Variants in WWOX observed in about 807,000 individuals in gnomAD.
WWOX encodes the protein WW domain containing oxidoreductase.
Under a neutral mutation model 46.2 loss-of-function variants are expected in WWOX, and 69 were observed. The ratio of observed to expected loss-of-function variants is 1.49; its 90% CI spans 1.23 to 1.82. WWOX has a LOEUF of 1.82. Ranked by LOEUF, WWOX falls within the 40% of genes most tolerant of loss-of-function variation. WWOX has a pLI of 0.00. For synonymous variants in WWOX, 359 were observed against 202.6 expected (o/e 1.77, Z -6.56); for missense variants, 919 against 542.6 (o/e 1.69, Z -6.89).
intron 8 of WWOX, among the ~76,000 whole-genome samples, chr16:79,152,216 C>T (rs550710007): frequency 1.3e-4 from 20 of 152,178 alleles, no homozygotes; most frequent in South Asian, 4.1e-4. Context: ...GAGCGGGATT[C>T]GCTGACCCAT....
chr16:78,172,573 T>C (rs939700958), intron 5 of WWOX, among the ~76,000 whole-genome samples: 1 of 152,002 alleles, frequency 6.6e-6, no homozygotes, highest in South Asian at 2.1e-4. Context: ...TCTTTGATCA[T>C]TGTCTTTGTG....
intron 8 of WWOX, among the ~76,000 whole-genome samples, chr16:78,577,250 G>GA (rs1020830610): frequency 6.6e-6 from 1 of 152,308 alleles, no homozygotes; most frequent in South Asian, 2.1e-4. Context: ...TGAGAGGATG[G>GA]AAAATGAATA....
intron 8 of WWOX, among the ~76,000 whole-genome samples, chr16:78,608,441 A>G (rs1326204620): frequency 2.0e-5 from 3 of 152,226 alleles, no homozygotes; most frequent in Non-Finnish European, 4.4e-5. Flanking sequence ...TGCCCCAGGC[A>G]GAGTGGAAGT....
intron 8 of WWOX, among the ~76,000 whole-genome samples, chr16:79,144,449 A>T (rs2150721331): frequency 1.3e-5 from 2 of 152,342 alleles, no homozygotes; most frequent in South Asian, 4.1e-4. Flanking sequence ...GAACATTCTG[A>T]AGATGAAATG....
At chr16:78,967,458 G>GTTTTTTTTTTTTTT (rs1171337117) in intron 8 of WWOX, among the ~76,000 whole-genome samples, 1 of 91,444 alleles carries the variant, frequency 1.1e-5, no homozygotes. Context: ...TAATTTTTGT[G>GTTTTTTTTTTTTTT]GTTTTTTTTT....
intron 5 of WWOX, among the ~76,000 whole-genome samples, chr16:78,188,759 A>T (rs892310231): frequency 6.6e-6 from 1 of 152,136 alleles, no homozygotes; most frequent in Admixed American, 6.5e-5. Flanking sequence ...AAGATCCTTC[A>T]TGGCTACTGG....
intron 6 of WWOX, 151 bp downstream of exon 6, chr16:78,387,099 G>T (rs1004379651): frequency 1.3e-6 from 1 of 748,964 alleles, no homozygotes; most frequent in Non-Finnish European, 2.3e-6. Flanking sequence ...AAGGTGAACC[G>T]TATTTTCTTG....
At chr16:78,423,715 G>A (rs2083006653) in intron 6 of WWOX, among the ~76,000 whole-genome samples, 1 of 152,102 alleles carries the variant, frequency 6.6e-6, no homozygotes, top group East Asian at 1.9e-4. Context: ...GCATGGTGGT[G>A]TGCCCCTGTA....
At chr16:78,440,321 TCTTTC>T (rs1374931735) in intron 8 of WWOX, among the ~76,000 whole-genome samples, 3 of 152,186 alleles carry the variant, frequency 2.0e-5, no homozygotes, top group African/African-American at 7.2e-5. Context: ...CCATGCTCTT[TCTTTC>T]CTTAGGGTTT....
intron 8 of WWOX, among the ~76,000 whole-genome samples, chr16:78,565,395 GCCT>G (rs750363480): frequency 3.9e-5 from 6 of 152,064 alleles, no homozygotes; most frequent in Admixed American, 6.5e-5. Flanking sequence ...TCTTCTAGAG[GCCT>G]CCTGCATTCC....
chr16:79,128,727 GA>G (rs1326736530), intron 8 of WWOX, among the ~76,000 whole-genome samples: 3 of 152,202 alleles, frequency 2.0e-5, no homozygotes, highest in Non-Finnish European at 2.9e-5. Flanking sequence ...GCCAAGGTTT[GA>G]AAAGTGCATT....
intron 6 of WWOX, among the ~76,000 whole-genome samples, chr16:78,395,314 T>G (rs1191047940): frequency 6.6e-6 from 1 of 152,116 alleles, no homozygotes; most frequent in Non-Finnish European, 1.5e-5. Flanking sequence ...AGTTCCGGAG[T>G]TTGAGACCAG....
chr16:78,873,885 AT>A (rs2044179297), intron 8 of WWOX, among the ~76,000 whole-genome samples: 1 of 152,124 alleles, frequency 6.6e-6, no homozygotes, highest in Non-Finnish European at 1.5e-5. Context: ...GCGAGGGGCA[AT>A]CACAGGTCAG....
intron 8 of WWOX, among the ~76,000 whole-genome samples, chr16:78,923,750 A>C (rs1367891424): frequency 2.3e-5 from 2 of 85,574 alleles, no homozygotes; most frequent in Admixed American, 1.0e-4. Context: ...CACAAGTTTC[A>C]CAAGTGATGA....
In WWOX at chr16:78,851,863, T is replaced by C. The variant is rs1316822454; in HGVS notation, c.1057-359745T>C. 2.0e-5 allele frequency among the ~76,000 whole-genome samples: 3 copies of C among 152,018 alleles called. No individual in the cohort carries two copies. The East Asian group carries it at 5.8e-4, about 29-fold the overall frequency. The stretch of plus-strand genomic sequence containing the variant: ...ATGTATTTATTTTAAAAGACTGGAG[T>C]TTTTATATATCCTTACATTTATGAA... On this transcript the variant is annotated intron_variant, in intron 8 of 8. Coordinates refer to ENST00000566780, the MANE Select transcript of WWOX (RefSeq NM_016373.4).
intron 8 of WWOX, among the ~76,000 whole-genome samples, chr16:78,778,665 A>C (rs1025772619): frequency 1.3e-5 from 2 of 152,182 alleles, no homozygotes; most frequent in East Asian, 3.9e-4. Context: ...AAATGGGAAC[A>C]TCACTTACCA....
intron 8 of WWOX, among the ~76,000 whole-genome samples, chr16:78,929,571 C>T (rs549249302): frequency 6.6e-4 from 100 of 152,190 alleles, no homozygotes; most frequent in African/African-American, 1.5e-3. Context: ...TTCTCCTCCC[C>T]AAATATTTAT....
At chr16:78,542,153 T>C (rs966847201) in intron 8 of WWOX, among the ~76,000 whole-genome samples, 2 of 146,740 alleles carry the variant, frequency 1.4e-5, no homozygotes, top group Non-Finnish European at 3.0e-5. Flanking sequence ...ACTAGACATC[T>C]CAGGATTTGA....
At chr16:79,138,987 C>T (rs1021828535) in intron 8 of WWOX, among the ~76,000 whole-genome samples, 3 of 152,100 alleles carry the variant, frequency 2.0e-5, no homozygotes, top group African/African-American at 4.8e-5. Flanking sequence ...CATATAACTC[C>T]CTTTAGTATT....
Sources: allele counts gnomAD v4.1 joint callset (sites outside exome capture counted in the v4.1 genomes callset), GRCh38; gene constraint gnomAD v4.1.1; transcripts MANE v1.5; gene names NCBI Gene and HGNC (gene_info 2026-07-23, HGNC 2026-07-21).